NELL1: variants seen among roughly 807,000 people sequenced by gnomAD.
NELL1 encodes protein kinase C-binding protein NELL1.
In NELL1, 76 loss-of-function variants were observed where a neutral mutation model predicts 107.4. That is an observed-to-expected ratio of 0.71 (90% CI 0.59 to 0.86). The LOEUF is 0.86. NELL1 is among the 40% of genes least tolerant of loss of function. The pLI, the probability that NELL1 is intolerant of heterozygous loss-of-function variation, is 0.00. For missense variants in NELL1, 1,024 were observed against 1,005.5 expected (o/e 1.02, Z -0.25); for synonymous variants, 353 against 341.2 (o/e 1.03, Z -0.38).
At chr11:21,226,745 A>G (rs1239791865) in intron 13 of NELL1, among the ~76,000 whole-genome samples, 1 of 152,206 alleles carries the variant, frequency 6.6e-6, no homozygotes, top group Admixed American at 6.5e-5. Context: ...CCAAAGAGGT[A>G]AAGATATTAA....
chr11:21,319,494 T>TTA (rs143740709), intron 14 of NELL1, among the ~76,000 whole-genome samples: 19,746 of 135,358 alleles, frequency 0.15, 1,625 homozygotes, highest in East Asian at 0.36. Flanking sequence ...CCAGCTAAAT[T>TTA]TATATATATA....
At chr11:21,340,934 C>A (rs1850549766) in intron 14 of NELL1, among the ~76,000 whole-genome samples, 1 of 152,098 alleles carries the variant, frequency 6.6e-6, no homozygotes, top group East Asian at 1.9e-4. Flanking sequence ...AATCAACGTA[C>A]CTATTTCTCT....
At chr11:20,813,329 G>C (rs1213979830) in intron 3 of NELL1, among the ~76,000 whole-genome samples, 1 of 152,144 alleles carries the variant, frequency 6.6e-6, no homozygotes, top group Admixed American at 6.5e-5. Context: ...GGGATGTGTT[G>C]TTCACTAACT....
rs547682784 is a variant in NELL1 at position 21,054,993 on chromosome 11, C to T, written c.1301-58596C>T. 2.6e-5 allele frequency among the ~76,000 whole-genome samples: 4 copies of T among 151,992 alleles called. No homozygotes were observed. The East Asian group carries it at 7.7e-4, about 29-fold the overall frequency. The stretch of plus-strand genomic sequence containing the variant: ...TGGTAGACTATTTTTAATTTCTATA[C>T]AATTTTATAGTTTAATTTTAAAGAA... On this transcript the variant is annotated intron_variant, in intron 12 of 19. Coordinates refer to ENST00000357134, the MANE Select transcript of NELL1 (RefSeq NM_006157.5).
At chr11:21,519,719 C>A in intron 15 of NELL1, among the ~76,000 whole-genome samples, 1 of 152,034 alleles carries the variant, frequency 6.6e-6, no homozygotes, top group Admixed American at 6.6e-5. Flanking sequence ...CAGCCGCTAC[C>A]ACTCTACTGG....
At chr11:21,385,993 C>T (rs72960091) in intron 15 of NELL1, among the ~76,000 whole-genome samples, 3 of 151,738 alleles carry the variant, frequency 2.0e-5, no homozygotes, top group African/African-American at 4.8e-5. Context: ...TTCCAAGATA[C>T]TTTTCAGACT....
chr11:21,156,378 T>C (rs919618188), intron 13 of NELL1, among the ~76,000 whole-genome samples: 6 of 152,148 alleles, frequency 3.9e-5, no homozygotes, highest in African/African-American at 1.4e-4. Context: ...GAACTGGGCT[T>C]TGGCTGGGCA....
chr11:21,472,106 GT>G (rs1364509105), intron 15 of NELL1, among the ~76,000 whole-genome samples: 1 of 151,766 alleles, frequency 6.6e-6, no homozygotes, highest in African/African-American at 2.4e-5. Flanking sequence ...CCTTTGAGCT[GT>G]CTAAGCTCCC....
At chr11:20,852,449 C>A (rs1171291571) in intron 4 of NELL1, among the ~76,000 whole-genome samples, 25 of 152,162 alleles carry the variant, frequency 1.6e-4, no homozygotes, top group Admixed American at 1.6e-3. Context: ...ATGTGAGCAT[C>A]TGTTTATATG....
intron 13 of NELL1, among the ~76,000 whole-genome samples, chr11:21,168,338 T>TA (rs957037430): frequency 4.0e-5 from 6 of 151,844 alleles, no homozygotes; most frequent in African/African-American, 7.3e-5. Context: ...TTTATTGAGT[T>TA]AAAAAATATC....
At chr11:21,300,296 G>C (rs1378337803) in intron 14 of NELL1, among the ~76,000 whole-genome samples, 1 of 151,934 alleles carries the variant, frequency 6.6e-6, no homozygotes, top group African/African-American at 2.4e-5. Flanking sequence ...AAAGAAGCAA[G>C]AATACTTTTC....
At chr11:21,095,656 G>A (rs112700834) in intron 12 of NELL1, among the ~76,000 whole-genome samples, 23,742 of 151,966 alleles carry the variant, frequency 0.16, 2,101 homozygotes, top group Middle Eastern at 0.27. Context: ...TGTTGCCCAG[G>A]CTGGAGTGCA....
intron 14 of NELL1, among the ~76,000 whole-genome samples, chr11:21,292,978 A>T (rs1849303735): frequency 6.6e-6 from 1 of 152,224 alleles, no homozygotes; most frequent in African/African-American, 2.4e-5. Flanking sequence ...AAAACCCTAG[A>T]AGAAAACCTA....
At chr11:21,503,330 A>G (rs1855195029) in intron 15 of NELL1, among the ~76,000 whole-genome samples, 1 of 152,244 alleles carries the variant, frequency 6.6e-6, no homozygotes, top group African/African-American at 2.4e-5. Flanking sequence ...GAATCTATAC[A>G]TATCAACCAG....
intron 17 of NELL1, among the ~76,000 whole-genome samples, chr11:21,566,172 A>C (rs1420839940): frequency 6.6e-6 from 1 of 151,942 alleles, no homozygotes; most frequent in African/African-American, 2.4e-5. Flanking sequence ...AACAGGCATC[A>C]GGTTGAATTT....
At chr11:21,516,827 C>T (rs564095079) in intron 15 of NELL1, among the ~76,000 whole-genome samples, 11 of 149,552 alleles carry the variant, frequency 7.4e-5, no homozygotes, top group Admixed American at 1.3e-4. Context: ...TTTTTTGAGA[C>T]GGAGTCTCGC....
At chr11:21,084,244 A>G (rs527357823) in intron 12 of NELL1, among the ~76,000 whole-genome samples, 2 of 152,264 alleles carry the variant, frequency 1.3e-5, no homozygotes, top group African/African-American at 4.8e-5. Context: ...ATGTGCATCA[A>G]TGTTAGTGTC....
intron 14 of NELL1, among the ~76,000 whole-genome samples, chr11:21,287,043 A>G (rs79203142): frequency 0.031 from 4,684 of 152,290 alleles, 106 homozygotes; most frequent in Non-Finnish European, 0.046. Context: ...AGAAATTATT[A>G]TATTCCTTAT....
chr11:21,423,490 G>A (rs1272436727), intron 15 of NELL1, among the ~76,000 whole-genome samples: 2 of 151,870 alleles, frequency 1.3e-5, no homozygotes, highest in East Asian at 3.9e-4. Flanking sequence ...AAACAAAAGT[G>A]ACAGAATTAT....
Sources: gnomAD v4.1 joint callset for allele counts (sites outside exome capture counted in the v4.1 genomes callset) on GRCh38, gnomAD v4.1.1 for gene constraint, MANE v1.5 for transcripts, NCBI Gene and HGNC (gene_info 2026-07-23, HGNC 2026-07-21) for gene names.